HIPK3: variants seen among roughly 807,000 people sequenced by gnomAD.
HIPK3 encodes the protein homeodomain-interacting protein kinase 3.
In HIPK3, 47 loss-of-function variants were observed where a neutral mutation model predicts 124.2. That is an observed-to-expected ratio of 0.38 (90% CI 0.30 to 0.48). The LOEUF (loss-of-function observed/expected upper bound fraction) is 0.48. Among genes scored for constraint, HIPK3 ranks in the 20% least tolerant of loss-of-function variants. HIPK3 has a pLI of 0.98. For synonymous variants in HIPK3, 482 were observed against 515.2 expected (o/e 0.94, Z 0.87); for missense variants, 1,286 against 1,454.3 (o/e 0.88, Z 1.88).
intron 2 of HIPK3, among the ~76,000 whole-genome samples, chr11:33,311,289 G>C (rs761199469): frequency 2.6e-5 from 4 of 152,106 alleles, no homozygotes; most frequent in Non-Finnish European, 5.9e-5. Context: ...GGGCTCCAGT[G>C]ATCCTCGCAC....
At chr11:33,294,204 A>G (rs1210617715) in intron 2 of HIPK3, among the ~76,000 whole-genome samples, 1 of 152,044 alleles carries the variant, frequency 6.6e-6, no homozygotes, top group Non-Finnish European at 1.5e-5. Flanking sequence ...GAACAAGAGA[A>G]GTTTAAACTT....
chr11:33,310,281 T>TATCTATCTATCTATCTATC (rs1554965371), intron 2 of HIPK3, among the ~76,000 whole-genome samples: 1,565 of 121,050 alleles, frequency 0.013, 13 homozygotes, highest in Non-Finnish European at 0.014. Context: ...TCTGTCTATC[T>TATCTATCTATCTATCTATC]TATCTATCTA....
At chr11:33,340,809 G>A (rs925127985) in intron 6 of HIPK3, among the ~76,000 whole-genome samples, 159 bp from the exon 7 acceptor site, 1 of 152,140 alleles carries the variant, frequency 6.6e-6, no homozygotes, top group African/African-American at 2.4e-5. Context: ...ATCTTTTCTG[G>A]TAAGATTTCC....
intron 3 of HIPK3, among the ~76,000 whole-genome samples, chr11:33,333,190 A>C (rs1323438132): frequency 6.6e-6 from 1 of 152,216 alleles, no homozygotes; most frequent in Admixed American, 6.5e-5. Context: ...CTAAGAATGG[A>C]ACTATAATAT....
At chr11:33,339,023 A>G (rs1248539226) in intron 5 of HIPK3, among the ~76,000 whole-genome samples, 180 bp downstream of exon 5, 1 of 152,238 alleles carries the variant, frequency 6.6e-6, no homozygotes, top group Non-Finnish European at 1.5e-5. Context: ...ATTTGTCGTT[A>G]TCAAAATTTT....
At chr11:33,286,273 AAATT>A in intron 1 of HIPK3, 136 bp from the exon 2 acceptor site, 32 of 756,124 alleles carry the variant, frequency 4.2e-5, no homozygotes, top group South Asian at 7.8e-5. Context: ...ATCTTCATGG[AAATT>A]AATTACTTTT....
At chr11:33,349,320 T>C in intron 14 of HIPK3, 33 bp downstream of exon 14, 1 of 1,554,526 alleles carries the variant, frequency 6.4e-7, no homozygotes, top group South Asian at 1.2e-5. Flanking sequence ...GTGTAATAAA[T>C]AGTAAGTCTA....
chr11:33,340,666 C>T (rs1006428053), intron 6 of HIPK3, among the ~76,000 whole-genome samples: 3 of 151,780 alleles, frequency 2.0e-5, no homozygotes, highest in Admixed American at 6.6e-5. Flanking sequence ...GTGGAGATCT[C>T]GAAATTTCGG....
Position 33,347,747 on chromosome 11 carries a change from A to C in HIPK3, c.2138A>C (p.Asp713Ala), listed in dbSNP as rs1189054254. 2.3e-5 allele frequency: 37 copies of C among 1,613,328 alleles called. No individual in the cohort carries two copies. The highest frequency in any genetic ancestry group is 3.1e-5 in the Non-Finnish European group (36 of 1,179,354). Residue 713 changes from aspartate (D) to alanine (A), a missense_variant, in exon 10 of 17, where the codon GAC (aspartate) becomes GCC (alanine). Around this residue, in one of 3 missense-constraint regions of HIPK3, gnomAD observed 810 missense variants for 864.9 expected, o/e 0.94. Transcript: ENST00000303296. The part of the protein sequence containing the change: ...ESVAGSHRLG[D>A]WGKMISCSNH... The stretch of plus-strand genomic sequence containing the variant: ...GTGGCTGGTTCACACAGGCTTGGAG[A>C]CTGGGGGTAAGCTGAAAACAAAAGT...
At chr11:33,272,425 A>G (rs189120566) in intron 1 of HIPK3, among the ~76,000 whole-genome samples, 270 of 151,992 alleles carry the variant, frequency 1.8e-3, no homozygotes, top group Non-Finnish European at 3.1e-3. Context: ...TAATAATTCA[A>G]TGTCGTTTCT....
chr11:33,279,748 T>G (rs140570654), intron 1 of HIPK3, among the ~76,000 whole-genome samples: 185 of 152,300 alleles, frequency 1.2e-3, no homozygotes, highest in African/African-American at 4.4e-3. Flanking sequence ...ATAACCTTAT[T>G]GTTCACAGCT....
At chr11:33,292,413 AG>A (rs1851722015) in intron 2 of HIPK3, among the ~76,000 whole-genome samples, 1 of 152,158 alleles carries the variant, frequency 6.6e-6, no homozygotes, top group Non-Finnish European at 1.5e-5. Flanking sequence ...AAGAAATGCC[AG>A]GGTGGAGAGG....
intron 8 of HIPK3, among the ~76,000 whole-genome samples, chr11:33,341,912 C>T (rs1402656581): frequency 6.6e-6 from 1 of 151,726 alleles, no homozygotes; most frequent in African/African-American, 2.4e-5. Context: ...CCAGCCTGGC[C>T]AACATGGTGA....
rs1850695208 is a variant in HIPK3, at chr11:33,257,433, C to CA, written c.-457dup. 1 of 985,250 alleles carries CA rather than the reference C, an allele frequency of 1.0e-6. No homozygotes were observed. The highest frequency in any genetic ancestry group is 1.7e-5 in the African/African-American group (1 of 57,344). The allele number at this position is 985,250 out of a possible 1,614,324, so 61.0% of individuals were successfully genotyped here. ...CGGCATCGCGGCGACCTGAGGAGAT[C>CA]AAGCCGCAGGCCCCGCCGTCGCCAC... is the stretch of plus-strand genomic sequence containing the variant. On this transcript the variant is annotated 5_prime_UTR_variant, in exon 1 of 17. Coordinates refer to ENST00000303296, the MANE Select transcript of HIPK3 (RefSeq NM_005734.5).
chr11:33,290,439 C>G (rs1353431115), intron 2 of HIPK3, among the ~76,000 whole-genome samples: 2 of 151,560 alleles, frequency 1.3e-5, no homozygotes, highest in Non-Finnish European at 2.9e-5. Context: ...CCTTGGTACT[C>G]TATGGATTCT....
At chr11:33,330,804 C>T in intron 3 of HIPK3, among the ~76,000 whole-genome samples, 1 of 150,624 alleles carries the variant, frequency 6.6e-6, no homozygotes, top group Non-Finnish European at 1.5e-5. Context: ...TTTTCCCTAT[C>T]AGTCTTAACT....
chr11:33,349,327 T>A, intron 14 of HIPK3, 40 bp downstream of exon 14: 1 of 1,534,946 alleles, frequency 6.5e-7, no homozygotes. Context: ...AAATAGTAAG[T>A]CTACTAAAAA....
chr11:33,353,007 G>C (rs962720293), intron 16 of HIPK3, 85 bp from the exon 17 acceptor site: 28 of 783,958 alleles, frequency 3.6e-5, no homozygotes, highest in Non-Finnish European at 5.4e-5. Context: ...AATCACAAAG[G>C]GTATATTGTA....
At position 33,282,458 on chromosome 11, in the gene HIPK3, G is replaced by A. The variant is rs563710183; in HGVS notation, c.-2-3955G>A. On this transcript the variant is annotated intron_variant, in intron 1 of 16. Transcript: ENST00000303296. ...GCACTTTGGGAGGCCAAGGTGGGTG[G>A]ATTACTTGAGGCCAGGAGTTCGAGA... 3.3e-5 allele frequency among the ~76,000 whole-genome samples: 5 copies of A among 152,302 alleles called. No homozygotes were observed. The South Asian group carries it at 1.0e-3, about 32-fold the overall frequency.
Sources: allele counts gnomAD v4.1 joint callset (sites outside exome capture counted in the v4.1 genomes callset), GRCh38; gene constraint gnomAD v4.1.1; regional missense constraint gnomAD v4.1.1; transcripts MANE v1.5; gene names NCBI Gene and HGNC (gene_info 2026-07-23, HGNC 2026-07-21).